Variants in VGLL3 observed in about 807,000 individuals in gnomAD.
VGLL3 encodes the protein vestigial like family member 3.
A neutral mutation model predicts 29.2 loss-of-function variants in VGLL3; 18 were observed. The observed-to-expected ratio is 0.62, with a 90% CI of 0.43 to 0.91. The LOEUF (loss-of-function observed/expected upper bound fraction) is 0.91, where lower values mean the gene tolerates loss of function less well. Among genes scored for constraint, VGLL3 ranks in the 40% least tolerant of loss-of-function variants. VGLL3 has a pLI of 0.00. For missense variants in VGLL3, 440 were observed against 413.2 expected, an observed-to-expected ratio of 1.06 and a Z score of -0.56; for synonymous variants, 180 against 151.8, an observed-to-expected ratio of 1.19 and a Z score of -1.36.
chr3:86,954,920 G>T (rs1465207760), intron 3 of VGLL3, among the ~76,000 whole-genome samples: 1 of 134,044 alleles, frequency 7.5e-6, no homozygotes, highest in Non-Finnish European at 1.5e-5. Context: ...AAAAAGCTTG[G>T]ATCACTTATT....
At chr3:86,974,099 A>G (rs1302576056) in intron 2 of VGLL3, among the ~76,000 whole-genome samples, 1 of 151,932 alleles carries the variant, frequency 6.6e-6, no homozygotes, top group Non-Finnish European at 1.5e-5. Context: ...ATAAGGGACC[A>G]ATCATATTCA....
chr3:86,938,283 AATG>A lies in VGLL3; in HGVS notation c.*8738_*8740del, dbSNP rs1222664694. ...AACTAGAAGTATTTTTTGTAAGAAAAATGATAACACTGGACAGATTTTTCATGT... is the reference window on the plus strand; with the variant it reads ...AACTAGAAGTATTTTTTGTAAGAAAAATAACACTGGACAGATTTTTCATGT... On this transcript the variant is annotated 3_prime_UTR_variant, in exon 4 of 4. Coordinates refer to ENST00000398399, the MANE Select transcript of VGLL3 (RefSeq NM_016206.4). 1 of 152,272 alleles carries A rather than the reference AATG, an allele frequency of 6.6e-6. No homozygotes were observed. The highest frequency in any genetic ancestry group is 1.5e-5 in the Non-Finnish European group (1 of 68,032). 9.4% of individuals were successfully genotyped at this position (152,272 alleles called of 1,614,324 possible).
At chr3:86,948,506 A>G (rs1170189849) in intron 3 of VGLL3, among the ~76,000 whole-genome samples, 1 of 152,186 alleles carries the variant, frequency 6.6e-6, no homozygotes, top group Non-Finnish European at 1.5e-5. Flanking sequence ...GCAAAAGAAC[A>G]AATAGAAGGA....
intron 3 of VGLL3, among the ~76,000 whole-genome samples, chr3:86,949,639 A>G (rs1040126560): frequency 3.9e-5 from 6 of 151,946 alleles, no homozygotes; most frequent in Non-Finnish European, 8.8e-5. Context: ...ATCCTGGCTA[A>G]CACGGTGAAA....
intron 3 of VGLL3, among the ~76,000 whole-genome samples, chr3:86,963,433 T>C (rs1704897791): frequency 6.6e-6 from 1 of 152,132 alleles, no homozygotes; most frequent in Non-Finnish European, 1.5e-5. Flanking sequence ...GCATAGCGGA[T>C]AGGGAAAATT....
At chr3:86,970,706 T>C (rs550689222) in intron 2 of VGLL3, among the ~76,000 whole-genome samples, 1 of 152,218 alleles carries the variant, frequency 6.6e-6, no homozygotes, top group Admixed American at 6.5e-5. Context: ...ATCTAGTAAG[T>C]GACACAGTCA....
chr3:86,966,510 T>C (rs1704962158), intron 3 of VGLL3, among the ~76,000 whole-genome samples: 1 of 151,838 alleles, frequency 6.6e-6, no homozygotes, highest in African/African-American at 2.4e-5. Flanking sequence ...ATGCCACACA[T>C]GCAATAGGAA....
chr3:86,939,517 C>G lies in VGLL3; in HGVS notation c.*7507G>C, dbSNP rs912636282. On this transcript the variant is annotated 3_prime_UTR_variant, in exon 4 of 4. Transcript: ENST00000398399. ...GCACGCATCTGTAGTCCCAGCTACT[C>G]GAGAGGCTGAGGCAGGGGAATCCTT... 4 of 152,138 alleles carry G rather than the reference C, an allele frequency of 2.6e-5. No homozygotes were observed. The highest frequency in any genetic ancestry group is 2.1e-4 in the South Asian group (1 of 4,814). 9.4% of individuals were successfully genotyped at this position (152,138 alleles called of 1,614,324 possible).
chr3:86,970,348 A>C (rs577292394), intron 2 of VGLL3, among the ~76,000 whole-genome samples: 2 of 152,290 alleles, frequency 1.3e-5, no homozygotes, highest in East Asian at 3.9e-4. Flanking sequence ...TTCTCCCAAC[A>C]GGAAGCACAG....
chr3:86,962,634 T>A, intron 3 of VGLL3: 2 of 907,596 alleles, frequency 2.2e-6, no homozygotes, highest in Non-Finnish European at 2.6e-6. Flanking sequence ...AATATAGAAA[T>A]ACATAAAATA....
At chr3:86,961,981 G>T (rs1423980603) in intron 3 of VGLL3, 24 of 981,996 alleles carry the variant, frequency 2.4e-5, no homozygotes, top group African/African-American at 3.5e-5. Flanking sequence ...TCTCTAAGAG[G>T]TATATGGTAG....
chr3:86,967,086 G>A (rs1044060985), intron 3 of VGLL3, among the ~76,000 whole-genome samples: 1 of 151,852 alleles, frequency 6.6e-6, no homozygotes, highest in East Asian at 1.9e-4. Context: ...CAAAATGAAA[G>A]AGCAATAATC....
At chr3:86,952,935 T>C (rs1159792561) in intron 3 of VGLL3, among the ~76,000 whole-genome samples, 2 of 152,132 alleles carry the variant, frequency 1.3e-5, no homozygotes, top group African/African-American at 2.4e-5. Flanking sequence ...ACAATTGCAT[T>C]TGTTTGTCTG....
At chr3:86,963,665 A>T (rs1176997710) in intron 3 of VGLL3, among the ~76,000 whole-genome samples, 1 of 152,234 alleles carries the variant, frequency 6.6e-6, no homozygotes. Flanking sequence ...GAATTTACAG[A>T]GTACATGTTA....
In VGLL3 at chr3:86,968,890, A is replaced by T. The variant is rs767264996; in HGVS notation, c.637T>A (p.Ser213Thr). ...TGGCTGTAGGATGGGCTCACCTGAGATGTCAAAGGATAAGGCCAGGACTCA... is the reference window on the plus strand; with the variant it reads ...TGGCTGTAGGATGGGCTCACCTGAGTTGTCAAAGGATAAGGCCAGGACTCA... ...VSESWPYPLT[S>T]QVSPSYSHMH... Residue 213 changes from serine (S) to threonine (T), a missense_variant, in exon 3 of 4, where the codon TCT becomes ACT. Coordinates refer to ENST00000398399, the MANE Select transcript of VGLL3 (RefSeq NM_016206.4). 2 of 1,614,086 alleles carry T rather than the reference A, an allele frequency of 1.2e-6. No homozygotes were observed. The highest frequency in any genetic ancestry group is 1.7e-6 in the Non-Finnish European group (2 of 1,180,020).
intron 3 of VGLL3, among the ~76,000 whole-genome samples, chr3:86,953,807 G>GTATTATAGTATA: frequency 6.6e-6 from 1 of 152,102 alleles, no homozygotes; most frequent in South Asian, 2.1e-4. Flanking sequence ...ATACTTTTAG[G>GTATTATAGTATA]TATACTAGCA....
At chr3:86,948,916 A>G (rs1029462145) in intron 3 of VGLL3, among the ~76,000 whole-genome samples, 2 of 152,232 alleles carry the variant, frequency 1.3e-5, no homozygotes, top group East Asian at 3.8e-4. Context: ...GCAACCTGAC[A>G]TAGTCTCTGT....
chr3:86,990,761 C>T lies in VGLL3; in HGVS notation c.-18G>A. On this transcript the variant is annotated 5_prime_UTR_variant, in exon 1 of 4. Transcript: ENST00000398399. ...CAACTCATGGCAGCCGGGGCAGTGG[C>T]GGCCCCCGAGCTGCCGCCGCCGCTC... The T allele has an allele frequency of 2.5e-6, 3 of 1,211,116 alleles. No homozygotes were observed. Among genetic ancestry groups the T allele is most frequent in the Non-Finnish European group, 3.1e-6 (3 of 965,570 alleles). 75.0% of individuals were successfully genotyped at this position (1,211,116 alleles called of 1,614,324 possible).
chr3:86,950,831 C>T (rs991159567), intron 3 of VGLL3, among the ~76,000 whole-genome samples: 5 of 152,132 alleles, frequency 3.3e-5, no homozygotes, highest in African/African-American at 9.7e-5. Context: ...CGGACTTCTC[C>T]AGTGTGAACT....
Sources: allele counts gnomAD v4.1 joint callset (sites outside exome capture counted in the v4.1 genomes callset), GRCh38; gene constraint gnomAD v4.1.1; transcripts MANE v1.5; gene names NCBI Gene and HGNC (gene_info 2026-07-23, HGNC 2026-07-21).